The following FHIT variants were observed in gnomAD, a reference collection of about 807,000 sequenced individuals.
The protein encoded by FHIT is bis(5'-adenosyl)-triphosphatase.
A neutral mutation model predicts 17.9 loss-of-function variants in FHIT; 19 were observed. The observed-to-expected ratio is 1.06, with a 90% CI of 0.74 to 1.56. The LOEUF (loss-of-function observed/expected upper bound fraction) is 1.56, where lower values mean the gene tolerates loss of function less well. Among genes scored for constraint, FHIT ranks in the 40% most tolerant of loss-of-function variants. The probability of loss-of-function intolerance (pLI) is 0.00; values close to 1 mark genes in which losing one functional copy is unlikely to be tolerated. For missense variants in FHIT, 248 were observed against 189.2 expected, an observed-to-expected ratio of 1.31 and a Z score of -1.82; for synonymous variants, 81 against 69.7, an observed-to-expected ratio of 1.16 and a Z score of -0.81.
intron 3 of FHIT, among the ~76,000 whole-genome samples, chr3:60,945,530 T>G (rs2107437678): frequency 6.6e-6 from 1 of 152,248 alleles, no homozygotes; most frequent in African/African-American, 2.4e-5. Context: ...GTAGCTGGGA[T>G]TACAGGCATC....
intron 1 of FHIT, among the ~76,000 whole-genome samples, chr3:61,202,049 T>A (rs1280797691): frequency 1.4e-5 from 2 of 140,802 alleles, no homozygotes; most frequent in Non-Finnish European, 3.1e-5. Flanking sequence ...TACCTACATA[T>A]ATATACACGC....
At chr3:59,811,789 C>T (rs112248125) in intron 8 of FHIT, among the ~76,000 whole-genome samples, 1 of 152,164 alleles carries the variant, frequency 6.6e-6, no homozygotes, top group Non-Finnish European at 1.5e-5. Flanking sequence ...GGCGCACTTA[C>T]TGCCACTGTG....
At chr3:61,034,622 T>G (rs113876463) in intron 3 of FHIT, among the ~76,000 whole-genome samples, 31 of 152,070 alleles carry the variant, frequency 2.0e-4, no homozygotes, top group African/African-American at 7.5e-4. Context: ...TTTTCTTTAA[T>G]GGAAAATAAC....
intron 3 of FHIT, among the ~76,000 whole-genome samples, chr3:60,903,186 A>T (rs2107232290): frequency 6.6e-6 from 1 of 152,342 alleles, no homozygotes; most frequent in Middle Eastern, 3.4e-3. Context: ...AGGAGATATT[A>T]AGTGATGACG....
chr3:60,968,105 C>T (rs958646016), intron 3 of FHIT, among the ~76,000 whole-genome samples: 3 of 152,178 alleles, frequency 2.0e-5, no homozygotes, highest in Non-Finnish European at 4.4e-5. Context: ...CAAGGTGTTG[C>T]CAGAATGGCA....
intron 2 of FHIT, among the ~76,000 whole-genome samples, chr3:61,170,905 C>T (rs2037984696): frequency 6.6e-6 from 1 of 152,058 alleles, no homozygotes; most frequent in Admixed American, 6.6e-5. Flanking sequence ...TTTCCATAAT[C>T]CCACTGGTAT....
chr3:60,647,597 C>G (rs1176423133), intron 4 of FHIT, among the ~76,000 whole-genome samples: 1 of 152,108 alleles, frequency 6.6e-6, no homozygotes, highest in African/African-American at 2.4e-5. Flanking sequence ...TAAAATAGTC[C>G]CCTGCTCAAA....
At chr3:60,575,045 A>C (rs2037519925) in intron 4 of FHIT, among the ~76,000 whole-genome samples, 1 of 152,174 alleles carries the variant, frequency 6.6e-6, no homozygotes, top group East Asian at 1.9e-4. Flanking sequence ...TAAAGAATAA[A>C]GGAAGAATAA....
At chr3:59,798,354 A>G (rs994494083) in intron 8 of FHIT, among the ~76,000 whole-genome samples, 1 of 152,166 alleles carries the variant, frequency 6.6e-6, no homozygotes, top group Admixed American at 6.5e-5. Context: ...GTAAATTCTC[A>G]CTAGAAGAGC....
chr3:60,989,325 T>TC (rs1216910810), intron 3 of FHIT, among the ~76,000 whole-genome samples: 1 of 152,016 alleles, frequency 6.6e-6, no homozygotes, highest in African/African-American at 2.4e-5. Flanking sequence ...AAATTTTTTT[T>TC]CTTTTTTTTT....
At chr3:60,525,998 G>A (rs768108675) in intron 5 of FHIT, among the ~76,000 whole-genome samples, 16 of 150,190 alleles carry the variant, frequency 1.1e-4, no homozygotes, top group Non-Finnish European at 1.9e-4. Context: ...AGCTGTTCAG[G>A]AGGCTGAGGT....
chr3:60,793,511 C>T (rs1318927259), intron 4 of FHIT, among the ~76,000 whole-genome samples: 1 of 152,172 alleles, frequency 6.6e-6, no homozygotes, highest in Non-Finnish European at 1.5e-5. Context: ...CCATGCTGGC[C>T]AGGCTGGTCT....
At chr3:59,769,481 A>C (rs1295085520) in intron 8 of FHIT, among the ~76,000 whole-genome samples, 1 of 152,140 alleles carries the variant, frequency 6.6e-6, no homozygotes, top group African/African-American at 2.4e-5. Context: ...ATGGCTTCTT[A>C]ATTATGTATG....
intron 5 of FHIT, among the ~76,000 whole-genome samples, chr3:60,019,879 A>C (rs982017692): frequency 3.9e-5 from 6 of 152,244 alleles, no homozygotes; most frequent in Non-Finnish European, 7.3e-5. Flanking sequence ...TTTCTGTTAC[A>C]CTGAGATGGC....
intron 5 of FHIT, among the ~76,000 whole-genome samples, chr3:60,172,180 A>T (rs56382355): frequency 2.6e-5 from 4 of 152,116 alleles, no homozygotes; most frequent in East Asian, 1.9e-4. Context: ...TCAGGAAGTC[A>T]GGAGAGCTAG....
chr3:60,586,155 AC>A (rs1282866017), intron 4 of FHIT, among the ~76,000 whole-genome samples: 2 of 151,964 alleles, frequency 1.3e-5, no homozygotes, highest in Admixed American at 1.3e-4. Flanking sequence ...TCACATGAGC[AC>A]ACTGGCTGCA....
intron 5 of FHIT, among the ~76,000 whole-genome samples, chr3:60,085,163 G>C (rs964706879): frequency 2.0e-5 from 3 of 152,174 alleles, no homozygotes; most frequent in African/African-American, 4.8e-5. Flanking sequence ...GAGTGGTCTA[G>C]ATTTTACAAT....
intron 5 of FHIT, among the ~76,000 whole-genome samples, chr3:60,215,162 A>G (rs1269593089): frequency 6.6e-6 from 1 of 152,064 alleles, no homozygotes; most frequent in African/African-American, 2.4e-5. Context: ...CACCCCTGGA[A>G]TCTAAAATAA....
chr3:59,929,844 A>G (rs1705876893), intron 7 of FHIT, among the ~76,000 whole-genome samples: 1 of 149,558 alleles, frequency 6.7e-6, no homozygotes, highest in African/African-American at 2.5e-5. Flanking sequence ...GTAGAGTGAT[A>G]CAAATATGAT....
Sources: gnomAD v4.1 joint callset for allele counts (sites outside exome capture counted in the v4.1 genomes callset) on GRCh38, gnomAD v4.1.1 for gene constraint, MANE v1.5 for transcripts, NCBI Gene and HGNC (gene_info 2026-07-23, HGNC 2026-07-21) for gene names.